Variants in PRKG1 observed in about 807,000 individuals in gnomAD.
PRKG1 encodes the protein cGMP-dependent protein kinase 1.
In PRKG1, 35 loss-of-function variants were observed where a neutral mutation model predicts 88.1. The ratio of observed to expected loss-of-function variants is 0.40; its 90% CI spans 0.30 to 0.53. The LOEUF is 0.53. Among genes scored for constraint, PRKG1 ranks in the 20% least tolerant of loss-of-function variants. The pLI is 0.59. For missense variants in PRKG1, 540 were observed against 839.8 expected, an observed-to-expected ratio of 0.64 and a Z score of 4.41; for synonymous variants, 303 against 292.5, an observed-to-expected ratio of 1.04 and a Z score of -0.37.
intron 2 of PRKG1, among the ~76,000 whole-genome samples, chr10:51,373,371 C>G (rs1228590130): frequency 1.3e-5 from 2 of 152,182 alleles, no homozygotes; most frequent in African/African-American, 4.8e-5. Flanking sequence ...TAGAGTCTCA[C>G]CTAAGGTTTG....
At chr10:51,704,290 C>T (rs1841551737) in intron 3 of PRKG1, among the ~76,000 whole-genome samples, 1 of 146,472 alleles carries the variant, frequency 6.8e-6, no homozygotes, top group South Asian at 2.1e-4. Context: ...GTTTTCACCT[C>T]TGTATCCTCA....
chr10:51,491,635 A>T (rs575030918), intron 3 of PRKG1, among the ~76,000 whole-genome samples: 1 of 152,200 alleles, frequency 6.6e-6, no homozygotes, highest in East Asian at 1.9e-4. Context: ...TAAATTCCTG[A>T]AAGACGGGTA....
chr10:51,488,201 T>C (rs753340866), intron 3 of PRKG1, among the ~76,000 whole-genome samples: 3 of 152,190 alleles, frequency 2.0e-5, no homozygotes, highest in Non-Finnish European at 4.4e-5. Context: ...TGAATGGTTT[T>C]CTAAAAATTC....
intron 7 of PRKG1, among the ~76,000 whole-genome samples, chr10:52,064,100 C>T (rs191856761): frequency 2.0e-5 from 3 of 152,304 alleles, no homozygotes; most frequent in East Asian, 1.9e-4. Context: ...GGATCCACCA[C>T]GTTTCTGCCC....
chr10:51,466,789 T>C (rs144870215), intron 2 of PRKG1, among the ~76,000 whole-genome samples: 141 of 152,170 alleles, frequency 9.3e-4, no homozygotes, highest in African/African-American at 3.3e-3. Flanking sequence ...GCCTGAAGTT[T>C]GGCAAACACT....
chr10:52,033,680 G>T (rs193139079), intron 5 of PRKG1, among the ~76,000 whole-genome samples: 1 of 152,228 alleles, frequency 6.6e-6, no homozygotes, highest in Non-Finnish European at 1.5e-5. Context: ...GGAGCTGTTG[G>T]GGGAGGGAGG....
At position 51,667,319 on chromosome 10, in the gene PRKG1, T is replaced by C; in HGVS notation, c.593-137266T>C. 1.3e-5 allele frequency among the ~76,000 whole-genome samples: 2 copies of C among 152,194 alleles called. 1 individual carries two copies. The highest frequency in any genetic ancestry group is 3.8e-4 in the East Asian group (2 of 5,200). ...TCAAATATATTGTCTAGTATATAGT[T>C]CCTTTTAAAAAATGATACCAAAGTA... On this transcript the variant is annotated intron_variant, in intron 3 of 17. Transcript: ENST00000373980.
At chr10:51,290,320 G>A (rs977729791) in intron 2 of PRKG1, among the ~76,000 whole-genome samples, 5 of 152,148 alleles carry the variant, frequency 3.3e-5, no homozygotes, top group Non-Finnish European at 7.4e-5. Flanking sequence ...TAAATTTACA[G>A]GTGCATCTGC....
At chr10:52,090,606 G>T (rs558396050) in intron 7 of PRKG1, among the ~76,000 whole-genome samples, 1 of 152,302 alleles carries the variant, frequency 6.6e-6, no homozygotes, top group African/African-American at 2.4e-5. Flanking sequence ...ACTTTAAGGT[G>T]AAAGGGGATA....
intron 2 of PRKG1, among the ~76,000 whole-genome samples, chr10:51,384,507 T>C (rs1025564263): frequency 6.6e-6 from 1 of 152,144 alleles, no homozygotes; most frequent in East Asian, 1.9e-4. Flanking sequence ...TTCTTGTTTG[T>C]AAAATGTTTT....
chr10:51,636,023 G>A (rs1264989089), intron 3 of PRKG1, among the ~76,000 whole-genome samples: 1 of 152,116 alleles, frequency 6.6e-6, no homozygotes, highest in African/African-American at 2.4e-5. Context: ...ATCTATGGTA[G>A]CACTTAACAT....
intron 7 of PRKG1, among the ~76,000 whole-genome samples, chr10:52,083,281 A>C (rs551331273): frequency 5.2e-4 from 79 of 152,132 alleles, no homozygotes; most frequent in Non-Finnish European, 1.0e-3. Flanking sequence ...TACATTGAGC[A>C]TGGAATCACA....
intron 2 of PRKG1, among the ~76,000 whole-genome samples, chr10:51,240,386 G>A (rs537582304): frequency 1.5e-3 from 222 of 152,272 alleles, no homozygotes; most frequent in Non-Finnish European, 2.5e-3. Flanking sequence ...AATTTTGCCT[G>A]AGAAAAGATT....
chr10:51,877,443 G>T (rs529307092), intron 4 of PRKG1, among the ~76,000 whole-genome samples: 9 of 152,238 alleles, frequency 5.9e-5, no homozygotes, highest in African/African-American at 2.2e-4. Flanking sequence ...TTGCTTATCA[G>T]TGCAAACAGG....
intron 4 of PRKG1, among the ~76,000 whole-genome samples, chr10:51,903,032 T>G (rs1028507276): frequency 6.6e-6 from 1 of 152,172 alleles, no homozygotes; most frequent in Admixed American, 6.5e-5. Context: ...TTAATAAAAT[T>G]TTTTGTACCT....
rs552105622 is a variant in PRKG1 at position 51,902,931 on chromosome 10, G to A, written c.699-4576G>A. 8.5e-5 allele frequency among the ~76,000 whole-genome samples: 13 copies of A among 152,216 alleles called. No homozygotes were observed. In the East Asian group the frequency reaches 2.5e-3, roughly 29 times the overall value. ...TACAAAAGGGTCACAGGAAATCCCT[G>A]GGTTCCCAGACCACATTTTGAGAAC... On this transcript the variant is annotated intron_variant, in intron 4 of 17. Transcript: ENST00000373980.
chr10:51,597,457 C>CAA (rs1838483122), intron 3 of PRKG1, among the ~76,000 whole-genome samples: 1 of 152,176 alleles, frequency 6.6e-6, no homozygotes, highest in Non-Finnish European at 1.5e-5. Flanking sequence ...AGGGAATGAT[C>CAA]TGTTTCAACT....
At chr10:51,883,851 T>C (rs779431163) in intron 4 of PRKG1, among the ~76,000 whole-genome samples, 3 of 152,086 alleles carry the variant, frequency 2.0e-5, no homozygotes, top group Non-Finnish European at 4.4e-5. Context: ...CCTATTATTA[T>C]CCCATGTGTC....
intron 7 of PRKG1, among the ~76,000 whole-genome samples, chr10:52,120,677 C>G (rs1036968447): frequency 3.9e-5 from 6 of 152,224 alleles, no homozygotes. Flanking sequence ...GTTCCATCTT[C>G]TGTGCACACT....
Sources: gnomAD v4.1 joint callset for allele counts (sites outside exome capture counted in the v4.1 genomes callset) on GRCh38, gnomAD v4.1.1 for gene constraint, MANE v1.5 for transcripts, NCBI Gene and HGNC (gene_info 2026-07-23, HGNC 2026-07-21) for gene names.